Variants in NCKAP5 observed in about 807,000 individuals in gnomAD.
The protein encoded by NCKAP5 is nck-associated protein 5.
NCKAP5 carries 92 observed loss-of-function variants against 167.0 expected under a neutral mutation model. That is an observed-to-expected ratio of 0.55 (90% CI 0.47 to 0.66). The LOEUF (loss-of-function observed/expected upper bound fraction) is 0.66. Ranked by LOEUF, NCKAP5 falls within the 30% of genes least tolerant of loss-of-function variation. The pLI is 0.00. For synonymous variants in NCKAP5, 891 were observed against 877.4 expected, an observed-to-expected ratio of 1.02 and a Z score of -0.27; for missense variants, 2,378 against 2,315.0, an observed-to-expected ratio of 1.03 and a Z score of -0.56.
chr2:133,634,017 G>T, the NCKAP5 span, among the ~76,000 whole-genome samples: 1 of 152,200 alleles, frequency 6.6e-6, no homozygotes, highest in African/African-American at 2.4e-5. Context: ...GACTTGGTTA[G>T]ATTGAGATTG....
intron 11 of NCKAP5, among the ~76,000 whole-genome samples, chr2:132,800,511 G>A (rs563995995): frequency 1.4e-4 from 22 of 152,148 alleles, no homozygotes; most frequent in Non-Finnish European, 2.8e-4. Context: ...TCAAACCAGA[G>A]GTAAGTGAGG....
At chr2:133,591,617 G>A in the NCKAP5 span, among the ~76,000 whole-genome samples, 18 of 152,278 alleles carry the variant, frequency 1.2e-4, no homozygotes, top group African/African-American at 3.4e-4. Flanking sequence ...AATGGAAAGC[G>A]CTTGGGCGGC....
intron 8 of NCKAP5, among the ~76,000 whole-genome samples, chr2:132,926,771 A>T (rs766571480): frequency 1.1e-4 from 16 of 152,040 alleles, no homozygotes; most frequent in Non-Finnish European, 1.9e-4. Context: ...AATTCTGGAT[A>T]TTCATTCCAT....
intron 5 of NCKAP5, among the ~76,000 whole-genome samples, chr2:133,143,269 G>A (rs964877562): frequency 2.0e-5 from 3 of 152,120 alleles, no homozygotes; most frequent in African/African-American, 7.2e-5. Flanking sequence ...CAGAACAGGT[G>A]TGTTATTACA....
At chr2:133,217,432 T>A (rs1404011538) in intron 4 of NCKAP5, among the ~76,000 whole-genome samples, 2 of 152,166 alleles carry the variant, frequency 1.3e-5, no homozygotes, top group East Asian at 3.8e-4. Context: ...CTCTGTATAC[T>A]GAAACATGGA....
intron 3 of NCKAP5, among the ~76,000 whole-genome samples, chr2:133,463,082 T>C (rs1692305662): frequency 6.6e-6 from 1 of 152,228 alleles, no homozygotes; most frequent in Non-Finnish European, 1.5e-5. Flanking sequence ...CTTGGCTTAA[T>C]GTTTCTGACT....
At chr2:132,878,267 G>A (rs897280755) in intron 9 of NCKAP5, among the ~76,000 whole-genome samples, 9 of 152,132 alleles carry the variant, frequency 5.9e-5, no homozygotes, top group Admixed American at 5.9e-4. Flanking sequence ...TATTTATCCA[G>A]TTTACTCATG....
At chr2:133,514,657 A>C (rs2151431609) in intron 3 of NCKAP5, among the ~76,000 whole-genome samples, 1 of 152,318 alleles carries the variant, frequency 6.6e-6, no homozygotes, top group Non-Finnish European at 1.5e-5. Context: ...CTAACTCTCA[A>C]AAATATGTGT....
At chr2:132,922,291 C>T (rs1375775672) in intron 8 of NCKAP5, among the ~76,000 whole-genome samples, 4 of 152,108 alleles carry the variant, frequency 2.6e-5, no homozygotes, top group African/African-American at 9.7e-5. Flanking sequence ...ATTCTATGTA[C>T]AAAGTTCTAT....
chr2:133,263,759 G>T (rs995342570), intron 4 of NCKAP5, among the ~76,000 whole-genome samples: 1 of 152,032 alleles, frequency 6.6e-6, no homozygotes, highest in Non-Finnish European at 1.5e-5. Context: ...AGATATGACT[G>T]GTTTTCAAAG....
intron 8 of NCKAP5, among the ~76,000 whole-genome samples, chr2:132,879,629 C>A (rs1691593509): frequency 6.6e-6 from 1 of 152,190 alleles, no homozygotes; most frequent in South Asian, 2.1e-4. Context: ...CCTCAGGTGA[C>A]CTGGTTCCAC....
At chr2:133,581,853 A>G in the NCKAP5 span, among the ~76,000 whole-genome samples, 23 of 152,208 alleles carry the variant, frequency 1.5e-4, no homozygotes, top group Admixed American at 9.8e-4. Context: ...AGCAGGGGCC[A>G]TTTCTAACGT....
intron 3 of NCKAP5, among the ~76,000 whole-genome samples, chr2:133,445,552 C>T (rs189645700): frequency 1.9e-4 from 29 of 152,232 alleles, no homozygotes; most frequent in East Asian, 1.7e-3. Flanking sequence ...AGCATGTAGA[C>T]GTTTGGTTTG....
the NCKAP5 span, among the ~76,000 whole-genome samples, chr2:133,625,849 G>T: frequency 1.4e-5 from 2 of 147,524 alleles, no homozygotes; most frequent in African/African-American, 5.1e-5. Flanking sequence ...TCCAGCCTGG[G>T]TGATGGAGCG....
At chr2:133,430,741 T>C (rs540896398) in intron 3 of NCKAP5, among the ~76,000 whole-genome samples, 1 of 152,030 alleles carries the variant, frequency 6.6e-6, no homozygotes, top group South Asian at 2.1e-4. Flanking sequence ...TGTCTATTTT[T>C]GTACCAGCAC....
At chr2:133,010,624 C>G (rs2078126306) in intron 6 of NCKAP5, among the ~76,000 whole-genome samples, 1 of 152,150 alleles carries the variant, frequency 6.6e-6, no homozygotes, top group African/African-American at 2.4e-5. Context: ...TAAAGAATAA[C>G]CACATCAGAA....
At chr2:133,660,228 T>G in the NCKAP5 span, among the ~76,000 whole-genome samples, 1 of 152,210 alleles carries the variant, frequency 6.6e-6, no homozygotes, top group East Asian at 1.9e-4. Flanking sequence ...AAAATGCTGC[T>G]CATTCTCTTT....
chr2:133,319,168 C>T (rs1449921964), intron 3 of NCKAP5, among the ~76,000 whole-genome samples: 1 of 149,234 alleles, frequency 6.7e-6, no homozygotes, highest in African/African-American at 2.5e-5. Flanking sequence ...CCCCCTTCCA[C>T]CCCCTGCATT....
intron 11 of NCKAP5, among the ~76,000 whole-genome samples, chr2:132,836,648 G>T (rs1402755000): frequency 6.6e-6 from 1 of 151,978 alleles, no homozygotes; most frequent in Non-Finnish European, 1.5e-5. Context: ...CATCACCCAA[G>T]CAGTATACAC....
Sources: allele counts gnomAD v4.1 joint callset (sites outside exome capture counted in the v4.1 genomes callset), GRCh38; gene constraint gnomAD v4.1.1; transcripts MANE v1.5; gene names NCBI Gene and HGNC (gene_info 2026-07-23, HGNC 2026-07-21).